The following ASNS variants were observed in gnomAD, a reference collection of about 807,000 sequenced individuals.
The protein encoded by ASNS is asparagine synthetase [glutamine-hydrolyzing].
ASNS carries 37 observed loss-of-function variants against 62.6 expected under a neutral mutation model. The ratio of observed to expected loss-of-function variants is 0.59; its 90% CI spans 0.45 to 0.78. The LOEUF (loss-of-function observed/expected upper bound fraction) is 0.78. Ranked by LOEUF, ASNS falls within the 30% of genes least tolerant of loss-of-function variation. The pLI is 0.00. For synonymous variants in ASNS, 207 were observed against 237.9 expected (o/e 0.87, Z 1.19); for missense variants, 520 against 682.4 (o/e 0.76, Z 2.65).
chr7:97,875,494 G>A (rs56849186), upstream of ASNS, among the ~76,000 whole-genome samples: 27,199 of 152,170 alleles, frequency 0.18, 2,776 homozygotes, highest in Admixed American at 0.29. Flanking sequence ...AGGGCATTGT[G>A]TGGTGGTCTG....
the ASNS span, among the ~76,000 whole-genome samples, chr7:97,881,336 AATC>A: frequency 6.6e-6 from 1 of 151,930 alleles, no homozygotes. Flanking sequence ...AATGTTAAGC[AATC>A]ATCATCTCTG....
the ASNS span, among the ~76,000 whole-genome samples, chr7:97,909,294 C>CTT: frequency 3.9e-3 from 280 of 72,656 alleles, 35 homozygotes; most frequent in African/African-American, 0.015. Flanking sequence ...CTCACATACA[C>CTT]TTTTTTTTTT....
intron 12 of ASNS, among the ~76,000 whole-genome samples, 169 bp from the exon 13 acceptor site, chr7:97,852,637 T>TGCAG (rs1170251419): frequency 2.0e-5 from 3 of 152,220 alleles, no homozygotes; most frequent in African/African-American, 7.2e-5. Flanking sequence ...TATGGATAGC[T>TGCAG]GCAGTGCCTT....
At chr7:97,868,503 A>G (rs1463532141) in intron 3 of ASNS, among the ~76,000 whole-genome samples, 1 of 137,910 alleles carries the variant, frequency 7.3e-6, no homozygotes, top group Non-Finnish European at 1.5e-5. Flanking sequence ...GTACTCTCAA[A>G]TGATTCAGCA....
chr7:97,910,504 C>T, the ASNS span, among the ~76,000 whole-genome samples: 1 of 152,070 alleles, frequency 6.6e-6, no homozygotes, highest in Non-Finnish European at 1.5e-5. Context: ...TTTGAACCTG[C>T]GCTGAAAGGC....
intron 7 of ASNS, among the ~76,000 whole-genome samples, chr7:97,857,160 G>T (rs1311953170): frequency 6.6e-6 from 1 of 151,918 alleles, no homozygotes; most frequent in Non-Finnish European, 1.5e-5. Flanking sequence ...GGTCTTTTTT[G>T]GTCCTTCTTA....
At chr7:97,898,183 C>T in the ASNS span, among the ~76,000 whole-genome samples, 1 of 152,142 alleles carries the variant, frequency 6.6e-6, no homozygotes, top group African/African-American at 2.4e-5. Flanking sequence ...CAACCTCTGT[C>T]TCCCGCGTTC....
chr7:97,896,012 C>T, the ASNS span, among the ~76,000 whole-genome samples: 9 of 151,078 alleles, frequency 6.0e-5, no homozygotes, highest in Non-Finnish European at 8.8e-5. Context: ...CAAAAAACCT[C>T]TACAATGAAA....
At chr7:97,926,709 T>C in the ASNS span, among the ~76,000 whole-genome samples, 1 of 152,196 alleles carries the variant, frequency 6.6e-6, no homozygotes, top group Admixed American at 6.5e-5. Context: ...CATATTCAGA[T>C]TCAGGAAACA....
intron 7 of ASNS, among the ~76,000 whole-genome samples, chr7:97,857,858 A>G (rs1393795365): frequency 6.6e-6 from 1 of 151,864 alleles, no homozygotes; most frequent in Admixed American, 6.6e-5. Context: ...GACTACAGGC[A>G]TGCGTCACCA....
At chr7:97,920,559 G>A in the ASNS span, among the ~76,000 whole-genome samples, 65 of 152,190 alleles carry the variant, frequency 4.3e-4, no homozygotes, top group African/African-American at 1.4e-3. Context: ...GCTGCACTGT[G>A]GGTAACCTGC....
chr7:97,889,285 G>A, the ASNS span, among the ~76,000 whole-genome samples: 6 of 152,174 alleles, frequency 3.9e-5, no homozygotes, highest in African/African-American at 1.2e-4. Context: ...TTGAGAGGCC[G>A]AGGCGGGTAG....
intron 10 of ASNS, among the ~76,000 whole-genome samples, chr7:97,853,591 G>A (rs1791292676): frequency 6.6e-6 from 1 of 152,100 alleles, no homozygotes; most frequent in Non-Finnish European, 1.5e-5. Context: ...CATATATCAT[G>A]TCATCTAGGG....
At chr7:97,870,263 C>T (rs1224831895) in intron 1 of ASNS, 2 of 700,134 alleles carry the variant, frequency 2.9e-6, no homozygotes, top group Admixed American at 2.8e-5. Flanking sequence ...AGATACATTC[C>T]GTTTTGAGAA....
At chr7:97,865,468 T>C (rs1478636339) in intron 3 of ASNS, among the ~76,000 whole-genome samples, 1 of 152,234 alleles carries the variant, frequency 6.6e-6, no homozygotes, top group Non-Finnish European at 1.5e-5. Context: ...TCTGCTTCAT[T>C]AACAATGGCT....
rs761597965 is a variant in ASNS at position 97,864,394 on chromosome 7, C to T, written c.352G>A (p.Asp118Asn). The T allele has an allele frequency of 3.1e-6, 5 of 1,613,852 alleles. No homozygotes were observed. Among genetic ancestry groups the T allele is most frequent in the Non-Finnish European group, 2.5e-6 (3 of 1,179,944 alleles). Residue 118 changes from aspartate (D) to asparagine (N), a missense_variant, in exon 4 of 13, where the codon GAT becomes AAT. By Grantham distance (23) the Asp-to-Asn change is conservative (BLOSUM62 1). Transcript: ENST00000394308. The stretch of plus-strand genomic sequence containing the variant: ...AGTAAAACAAATGCAAACACACCAT[C>T]CAACATACAAATTGTTTGCTCAATT... The part of the protein sequence containing the change: ...GGIEQTICML[D>N]GVFAFVLLDT...
chr7:97,923,890 C>T, the ASNS span, among the ~76,000 whole-genome samples: 1 of 152,244 alleles, frequency 6.6e-6, no homozygotes, highest in African/African-American at 2.4e-5. Context: ...GAGTCACCAG[C>T]ATCCCTGGCA....
the ASNS span, among the ~76,000 whole-genome samples, chr7:97,915,005 G>T: frequency 6.6e-6 from 1 of 152,192 alleles, no homozygotes; most frequent in East Asian, 1.9e-4. Flanking sequence ...AGAGCGGGGG[G>T]CATGGCAGAC....
chr7:97,921,850 T>A, the ASNS span, among the ~76,000 whole-genome samples: 3 of 152,150 alleles, frequency 2.0e-5, no homozygotes, highest in South Asian at 6.2e-4. Flanking sequence ...CATCTAGACT[T>A]AGAGTGAATC....
Sources: gnomAD v4.1 joint callset for allele counts (sites outside exome capture counted in the v4.1 genomes callset) on GRCh38, gnomAD v4.1.1 for gene constraint, MANE v1.5 for transcripts, NCBI Gene and HGNC (gene_info 2026-07-23, HGNC 2026-07-21) for gene names.